The following ZNF618 variants were observed in gnomAD, a reference collection of about 807,000 sequenced individuals.
ZNF618 encodes the protein neural precursor cell expressed, developmentally down-regulated 10.
ZNF618 carries 34 observed loss-of-function variants against 103.0 expected under a neutral mutation model. That is an observed-to-expected ratio of 0.33 (90% CI 0.25 to 0.44). ZNF618 has a LOEUF of 0.44. Among genes scored for constraint, ZNF618 ranks in the 20% least tolerant of loss-of-function variants. The probability of loss-of-function intolerance (pLI) is 1.00; values close to 1 mark genes in which losing one functional copy is unlikely to be tolerated. For synonymous variants in ZNF618, 551 were observed against 542.2 expected (o/e 1.02, Z -0.23); for missense variants, 1,059 against 1,295.4 (o/e 0.82, Z 2.80).
chr9:113,948,496 A>G (rs929709745), intron 1 of ZNF618, among the ~76,000 whole-genome samples: 1 of 152,228 alleles, frequency 6.6e-6, no homozygotes, highest in African/African-American at 2.4e-5. Context: ...CATCAGAGGA[A>G]GCCTGTAGCC....
At chr9:113,901,429 G>GC (rs1267831712) in intron 1 of ZNF618, among the ~76,000 whole-genome samples, 1 of 152,220 alleles carries the variant, frequency 6.6e-6, no homozygotes, top group Non-Finnish European at 1.5e-5. Flanking sequence ...TTGCGGCTGA[G>GC]CTAGCATCTG....
chr9:114,047,793 G>A, intron 13 of ZNF618, 100 bp from the exon 14 acceptor site: 1 of 982,918 alleles, frequency 1.0e-6, no homozygotes, highest in African/African-American at 1.6e-5. Flanking sequence ...AGTCCCAATG[G>A]CCACATTCTG....
intron 5 of ZNF618, 48 bp from the exon 6 acceptor site, chr9:114,002,576 C>T (rs1841343071): frequency 2.5e-6 from 4 of 1,595,532 alleles, no homozygotes; most frequent in African/African-American, 2.7e-5. Context: ...CTGGCCCTGT[C>T]ATTGGCCCGG....
At chr9:113,908,365 G>A (rs1831183828) in intron 1 of ZNF618, among the ~76,000 whole-genome samples, 1 of 152,146 alleles carries the variant, frequency 6.6e-6, no homozygotes, top group Non-Finnish European at 1.5e-5. Context: ...GAGGAGGGAG[G>A]ACCATATTAT....
At chr9:113,900,045 T>C (rs1830380675) in intron 1 of ZNF618, among the ~76,000 whole-genome samples, 1 of 152,144 alleles carries the variant, frequency 6.6e-6, no homozygotes, top group African/African-American at 2.4e-5. Context: ...TTTGACAAAC[T>C]GCCATTTCTA....
chr9:113,910,320 C>T (rs1831416359), intron 1 of ZNF618, among the ~76,000 whole-genome samples: 1 of 152,130 alleles, frequency 6.6e-6, no homozygotes, highest in East Asian at 1.9e-4. Flanking sequence ...GCTTCTAATT[C>T]CAGGTCTGTG....
chr9:114,048,524 C>T (rs1845858431), intron 14 of ZNF618, 127 bp from the exon 15 acceptor site: 3 of 978,784 alleles, frequency 3.1e-6, no homozygotes, highest in African/African-American at 1.6e-5. Flanking sequence ...CAGCACCACC[C>T]ATGTGTGTGC....
chr9:113,950,772 G>A (rs982179411), intron 1 of ZNF618, among the ~76,000 whole-genome samples: 1 of 152,164 alleles, frequency 6.6e-6, no homozygotes, highest in Non-Finnish European at 1.5e-5. Context: ...AGGGTGAGAT[G>A]GGAAGTGGAG....
At chr9:114,022,007 A>T (rs10982036) in intron 10 of ZNF618, among the ~76,000 whole-genome samples, 12,739 of 152,142 alleles carry the variant, frequency 0.084, 620 homozygotes, top group African/African-American at 0.12. Flanking sequence ...GGATATTTAG[A>T]GTATTTCTGG....
chr9:113,989,381 A>G (rs1839805343), intron 3 of ZNF618, among the ~76,000 whole-genome samples: 2 of 152,234 alleles, frequency 1.3e-5, no homozygotes. Flanking sequence ...TTTGATGGGA[A>G]TTCTTTTGGC....
chr9:113,991,577 T>A (rs1259940477), intron 3 of ZNF618, among the ~76,000 whole-genome samples: 1 of 152,256 alleles, frequency 6.6e-6, no homozygotes, highest in Non-Finnish European at 1.5e-5. Flanking sequence ...AAAATGCCTC[T>A]TCAAGAGGAA....
At chr9:114,030,610 C>T (rs1345331635) in intron 11 of ZNF618, among the ~76,000 whole-genome samples, 1 of 152,170 alleles carries the variant, frequency 6.6e-6, no homozygotes, top group Non-Finnish European at 1.5e-5. Flanking sequence ...TAGGGGTCAC[C>T]TCTGGATTCA....
chr9:113,893,343 C>G (rs941452603), intron 1 of ZNF618, among the ~76,000 whole-genome samples: 2 of 152,178 alleles, frequency 1.3e-5, no homozygotes, highest in Non-Finnish European at 2.9e-5. Context: ...TGTGGCTTAT[C>G]TGAAATGTTT....
chr9:114,047,218 T>C (rs547320810), intron 13 of ZNF618, among the ~76,000 whole-genome samples: 4 of 152,204 alleles, frequency 2.6e-5, no homozygotes, highest in Non-Finnish European at 4.4e-5. Context: ...AACAAAAAAC[T>C]AGAGAAGTAT....
intron 10 of ZNF618, chr9:114,017,013 T>C (rs540736632): frequency 1.8e-5 from 10 of 549,158 alleles, no homozygotes; most frequent in Admixed American, 3.4e-5. Context: ...CCTCCCTTAG[T>C]GGACTCAGAG....
intron 1 of ZNF618, among the ~76,000 whole-genome samples, chr9:113,967,096 A>C (rs1237341911): frequency 6.6e-6 from 1 of 152,222 alleles, no homozygotes; most frequent in African/African-American, 2.4e-5. Flanking sequence ...CAAAAATGAC[A>C]ACTTTAAAAG....
At chr9:113,951,232 A>C (rs191056842) in intron 1 of ZNF618, among the ~76,000 whole-genome samples, 139 of 150,674 alleles carry the variant, frequency 9.2e-4, no homozygotes, top group African/African-American at 2.9e-3. Context: ...CCCTTTCCTC[A>C]TCAGATTAAA....
At chr9:114,046,697 G>A (rs1181472866) in intron 13 of ZNF618, among the ~76,000 whole-genome samples, 3 of 152,094 alleles carry the variant, frequency 2.0e-5, no homozygotes, top group African/African-American at 7.2e-5. Context: ...TCTTTATTAG[G>A]TTGGAAAACT....
intron 5 of ZNF618, 125 bp downstream of exon 5, chr9:114,002,198 C>T: frequency 2.3e-6 from 2 of 855,736 alleles, no homozygotes; most frequent in Admixed American, 1.8e-5. Context: ...CCATTCTCCT[C>T]CTACTTTCAT....
Sources: gnomAD v4.1 joint callset for allele counts (sites outside exome capture counted in the v4.1 genomes callset) on GRCh38, gnomAD v4.1.1 for gene constraint, MANE v1.5 for transcripts, NCBI Gene and HGNC (gene_info 2026-07-23, HGNC 2026-07-21) for gene names.